Variants in CGREF1 observed in about 807,000 individuals in gnomAD.
CGREF1 encodes the protein cell growth regulator with EF hand domain protein 1.
In CGREF1, 16 loss-of-function variants were observed where a neutral mutation model predicts 17.4. The observed-to-expected ratio is 0.92, with a 90% CI of 0.62 to 1.40. The LOEUF (loss-of-function observed/expected upper bound fraction) is 1.40, where lower values mean the gene tolerates loss of function less well. Among genes scored for constraint, CGREF1 ranks in the 40% most tolerant of loss-of-function variants. CGREF1 has a pLI of 0.00. For synonymous variants in CGREF1, 142 were observed against 154.6 expected (o/e 0.92, Z 0.61); for missense variants, 296 against 376.4 (o/e 0.79, Z 1.77).
At chr2:27,103,104 TGTCA>T (rs1670972119) in intron 2 of CGREF1, 1 of 985,272 alleles carries the variant, frequency 1.0e-6, no homozygotes, top group Non-Finnish European at 1.2e-6. Flanking sequence ...AGGATCTCGT[TGTCA>T]GTCTTTCAAG....
At chr2:27,108,125 C>T (rs1410371244) in intron 1 of CGREF1, among the ~76,000 whole-genome samples, 1 of 148,252 alleles carries the variant, frequency 6.7e-6, no homozygotes, top group African/African-American at 2.5e-5. Flanking sequence ...CTTGGTGGCA[C>T]ACGCCTGTAA....
chr2:27,101,674 C>T lies in CGREF1; in HGVS notation c.557G>A (p.Gly186Asp), dbSNP rs1344671133. 5 of 1,614,236 alleles carry T rather than the reference C, an allele frequency of 3.1e-6. No homozygotes were observed. In the South Asian group the frequency reaches 3.3e-5, roughly 11 times the overall value. The change falls in exon 6 of 6, where the codon GGT becomes GAT. Residue 186 changes from glycine (G) to aspartate (D), a missense_variant. Physicochemically the swap from Gly to Asp is moderately conservative, Grantham distance 94. Around this residue, in one of 3 missense-constraint regions of CGREF1, gnomAD observed 247 missense variants for 267.2 expected, o/e 0.92. Transcript: ENST00000402394. The stretch of plus-strand genomic sequence containing the variant: ...CTGGCCCTTTGCTTCTTCTCTGGGA[C>T]CAGGGGCTTCCTGTGTTTCTTGTCT... The part of the protein sequence containing the change: ...PLRQETQEAP[G>D]PREEAKGQVE...
chr2:27,117,906 G>C (rs1381187878), intron 1 of CGREF1, among the ~76,000 whole-genome samples: 1 of 152,134 alleles, frequency 6.6e-6, no homozygotes, highest in African/African-American at 2.4e-5. Context: ...TTTTAGCAGA[G>C]ACGGGGTTTC....
chr2:27,101,300 C>T lies in CGREF1; in HGVS notation c.931G>A (p.Val311Ile), dbSNP rs749213945. 2 of 1,572,928 alleles carry T rather than the reference C, an allele frequency of 1.3e-6. No homozygotes were observed. The highest frequency in any genetic ancestry group is 1.7e-6 in the Non-Finnish European group (2 of 1,159,170). Reference sequence around the variant, plus strand: ...TAGATCTCATCATTCTCCACTTGAACAATGTGCACCTCAAAGTCATTTTGG... The same window carrying T: ...TAGATCTCATCATTCTCCACTTGAATAATGTGCACCTCAAAGTCATTTTGG... ...NTQNDFEVHI[V>I]QVENDEI Residue 311 changes from valine (V) to isoleucine (I), a missense_variant, in exon 6 of 6, where the codon GTT (valine) becomes ATT (isoleucine). Coordinates refer to ENST00000402394, the MANE Select transcript of CGREF1 (RefSeq NM_006569.6).
chr2:27,105,461 T>C (rs114512453), intron 1 of CGREF1, among the ~76,000 whole-genome samples: 2 of 152,206 alleles, frequency 1.3e-5, no homozygotes. Flanking sequence ...TTCTGCCTTT[T>C]AAAGCTACCT....
At chr2:27,111,219 CG>C (rs1273197406) in intron 1 of CGREF1, among the ~76,000 whole-genome samples, 1 of 152,054 alleles carries the variant, frequency 6.6e-6, no homozygotes, top group East Asian at 1.9e-4. Flanking sequence ...CTGATTGGTG[CG>C]TTTACAATCC....
At chr2:27,113,738 A>T (rs1337716173) in intron 1 of CGREF1, among the ~76,000 whole-genome samples, 1 of 152,104 alleles carries the variant, frequency 6.6e-6, no homozygotes, top group Non-Finnish European at 1.5e-5. Flanking sequence ...GGTTTAATTA[A>T]TGAGACAAGA....
chr2:27,111,771 C>G (rs1354668681), intron 1 of CGREF1, among the ~76,000 whole-genome samples: 1 of 148,114 alleles, frequency 6.8e-6, no homozygotes, highest in Non-Finnish European at 1.5e-5. Context: ...AGTGCTGGGC[C>G]CCCGAGCCCA....
intron 1 of CGREF1, among the ~76,000 whole-genome samples, chr2:27,117,928 C>A (rs1671646010): frequency 6.6e-6 from 1 of 152,138 alleles, no homozygotes; most frequent in Non-Finnish European, 1.5e-5. Flanking sequence ...CCGTGTTAAC[C>A]AGGATGGTAT....
intron 1 of CGREF1, among the ~76,000 whole-genome samples, chr2:27,108,186 C>T (rs1275264947): frequency 1.3e-5 from 2 of 151,914 alleles, no homozygotes; most frequent in African/African-American, 2.4e-5. Context: ...ACCCAGGAGG[C>T]GGAGGTTGCA....
Position 27,101,768 on chromosome 2 carries a change from G to A in CGREF1, c.463C>T (p.Pro155Ser). 6.2e-7 allele frequency: 1 copy of A among 1,614,224 alleles called. No homozygotes were observed. The highest frequency in any genetic ancestry group is 1.1e-5 in the South Asian group (1 of 91,082). The part of the protein sequence containing the change: ...VALRHVEPGE[P>S]LAPSPQEPQA... ...GGCTCCTGAGGAGATGGAGCAAGGG[G>A]CTCTCCGGGCTCCACGTGCCTGAGG... The change falls in exon 6 of 6, where the codon CCC (proline) becomes TCC (serine). Residue 155 changes from proline to serine, a missense_variant. Transcript: ENST00000402394.
chr2:27,114,209 G>A (rs1216883492), intron 1 of CGREF1, among the ~76,000 whole-genome samples: 1 of 151,856 alleles, frequency 6.6e-6, no homozygotes, highest in Admixed American at 6.6e-5. Flanking sequence ...TGGCCAGGAT[G>A]GTCTCGATCT....
chr2:27,102,671 C>A, intron 2 of CGREF1, 80 bp from the exon 3 acceptor site: 1 of 1,456,716 alleles, frequency 6.9e-7, no homozygotes, highest in African/African-American at 1.4e-5. Flanking sequence ...CTCCAATCTC[C>A]TGGCAGTTTT....
At chr2:27,107,108 T>A (rs34878101) in intron 1 of CGREF1, among the ~76,000 whole-genome samples, 1 of 152,162 alleles carries the variant, frequency 6.6e-6, no homozygotes, top group Non-Finnish European at 1.5e-5. Flanking sequence ...TCCAGGAATA[T>A]GAACTCATAG....
In CGREF1 at chr2:27,104,871, C is replaced by A. The variant is rs560694704; in HGVS notation, c.-11-494G>T. ...TGTTTATTAAAAACCCACTGAAGAA[C>A]AAATCAAAAGAGGCGCAGACTTCTT... On this transcript the variant is annotated intron_variant, in intron 1 of 5. Transcript: ENST00000402394. 50 of 1,333,170 alleles carry A rather than the reference C, an allele frequency of 3.8e-5. No individual in the cohort carries two copies. The Middle Eastern group carries it at 7.9e-4, about 21-fold the overall frequency. The allele number at this position is 1,333,170 out of a possible 1,614,324, so 82.6% of individuals were successfully genotyped here.
rs970434627 is a variant in CGREF1, at chr2:27,114,904, T to TTG, written c.-12+3940_-12+3941dup. On this transcript the variant is annotated intron_variant, in intron 1 of 5. Coordinates refer to ENST00000402394, the MANE Select transcript of CGREF1 (RefSeq NM_006569.6). ...CAAAGTCAACATCAACGTTATCTTT[T>TTG]TGTGTGTGTGTGTGTGTGACAGGGT... Among the ~76,000 whole-genome samples, 121 of 151,268 alleles carry TTG rather than the reference T, an allele frequency of 8.0e-4. 2 individuals carry two copies. In the South Asian group the frequency reaches 0.011, roughly 14 times the overall value.
intron 1 of CGREF1, 88 bp from the exon 2 acceptor site, chr2:27,104,465 T>G: frequency 1.3e-6 from 2 of 1,558,682 alleles, no homozygotes; most frequent in Non-Finnish European, 1.7e-6. Flanking sequence ...AAGCGCATTT[T>G]CTGCCTGCTT....
In CGREF1 at chr2:27,101,712, A is replaced by G; in HGVS notation, c.519T>C (p.Ala173=). The part of the protein sequence containing the change: ...PQAVGRQSLL[A]KSPLRQETQE... ...GTGTTTCTTGTCTTAATGGGCTTTT[A>G]GCTAATAGGGACTGCCTTCCAACAG... Residue 173 remains alanine, a synonymous_variant, in exon 6 of 6, where the codon GCT becomes GCC. Coordinates refer to ENST00000402394, the MANE Select transcript of CGREF1 (RefSeq NM_006569.6). The G allele has an allele frequency of 6.2e-7, 1 of 1,614,108 alleles. No homozygotes were observed. Among genetic ancestry groups the G allele is most frequent in the Non-Finnish European group, 8.5e-7 (1 of 1,180,040 alleles).
At chr2:27,116,871 T>TTCTCTC (rs537582075) in intron 1 of CGREF1, among the ~76,000 whole-genome samples, 376 of 33,646 alleles carry the variant, frequency 0.011, 10 homozygotes, top group East Asian at 0.019. Context: ...GCCAGGCCTA[T>TTCTCTC]TCTCTCTCTC....
Sources: allele counts gnomAD v4.1 joint callset (sites outside exome capture counted in the v4.1 genomes callset), GRCh38; gene constraint gnomAD v4.1.1; regional missense constraint gnomAD v4.1.1; transcripts MANE v1.5; gene names NCBI Gene and HGNC (gene_info 2026-07-23, HGNC 2026-07-21).